The following RNF170 variants were observed in gnomAD, a reference collection of about 807,000 sequenced individuals.
RNF170 encodes ring finger protein 170, also known as E3 ubiquitin-protein ligase RNF170.
RNF170 carries 12 observed loss-of-function variants against 32.7 expected under a neutral mutation model. That is an observed-to-expected ratio of 0.37 (90% CI 0.24 to 0.60). The LOEUF (loss-of-function observed/expected upper bound fraction) is 0.60, where lower values mean the gene tolerates loss of function less well. RNF170 is among the 20% of genes least tolerant of loss of function. RNF170 has a pLI of 0.72. For missense variants in RNF170, 212 were observed against 311.2 expected (o/e 0.68, Z 2.40); for synonymous variants, 91 against 103.6 (o/e 0.88, Z 0.74).
intron 4 of RNF170, 147 bp downstream of exon 4, chr8:42,869,857 G>C: frequency 1.4e-6 from 1 of 698,218 alleles, no homozygotes. Context: ...ATACTTGGTT[G>C]ACAAGTAGAG....
At chr8:42,878,646 G>C (rs925906889) in intron 2 of RNF170, among the ~76,000 whole-genome samples, 1 of 152,262 alleles carries the variant, frequency 6.6e-6, no homozygotes, top group African/African-American at 2.4e-5. Flanking sequence ...GGAATAGCAA[G>C]TGCTGATGGA....
intron 1 of RNF170, among the ~76,000 whole-genome samples, chr8:42,890,018 G>A (rs1459284276): frequency 6.6e-6 from 1 of 152,094 alleles, no homozygotes; most frequent in Non-Finnish European, 1.5e-5. Flanking sequence ...TAAAACAAAT[G>A]AACAGAGGTG....
At chr8:42,863,980 A>AGTGT (rs71231874) in intron 5 of RNF170, among the ~76,000 whole-genome samples, 75,647 of 139,396 alleles carry the variant, frequency 0.54, 21,639 homozygotes, top group Middle Eastern at 0.68. Flanking sequence ...AGAGAGAGAG[A>AGTGT]GTGTGTGTGT....
chr8:42,854,483 T>G lies in RNF170; in HGVS notation c.*1676A>C. The G allele has an allele frequency of 3.9e-6, 5 of 1,286,364 alleles. No individual in the cohort carries two copies. The highest frequency in any genetic ancestry group is 5.1e-6 in the Non-Finnish European group (5 of 987,850). 79.7% of individuals were successfully genotyped at this position (1,286,364 alleles called of 1,614,324 possible). A position where few individuals can be genotyped will look rare whatever the true frequency, so the allele number is the denominator to read the frequency against. On this transcript the variant is annotated 3_prime_UTR_variant, in exon 7 of 7. Coordinates refer to ENST00000527424, the MANE Select transcript of RNF170 (RefSeq NM_030954.4). ...TATCCAAAGGATAAAATGAAAAGTA[T>G]GTGAGAAACCTGCTTTAATTATAAT...
Position 42,887,890 on chromosome 8 carries a change from A to T in RNF170, c.-7-19T>A. ...TCCAGGTCTAAAATAAGAAGAAACA[A>T]GATGAGAGTTACAAATGACACAGTG... On this transcript the variant is annotated intron_variant, in intron 1 of 6. Transcript: ENST00000527424. 6.2e-7 allele frequency: 1 copy of T among 1,608,004 alleles called. No individual in the cohort carries two copies. The highest frequency in any genetic ancestry group is 2.2e-5 in the East Asian group (1 of 44,844).
intron 3 of RNF170, 97 bp downstream of exon 3, chr8:42,873,834 C>T (rs1431065433): frequency 1.3e-6 from 1 of 763,542 alleles, no homozygotes; most frequent in Non-Finnish European, 2.3e-6. Context: ...GGAAAGAAGC[C>T]CATGTTTCCA....
In RNF170 at chr8:42,876,073, A is replaced by C. The variant is rs563378663; in HGVS notation, c.138-2067T>G. Among the ~76,000 whole-genome samples, 19 of 152,174 alleles carry C rather than the reference A, an allele frequency of 1.2e-4. No individual in the cohort carries two copies. The East Asian group carries it at 3.5e-3, about 28-fold the overall frequency. ...CATTTCTCCATTCTTTGAGAGTAGA[A>C]AACCATTCCCTTTTCATTGGAAAAA... On this transcript the variant is annotated intron_variant, in intron 2 of 6. Transcript: ENST00000527424.
chr8:42,861,131 T>C (rs949763163), intron 6 of RNF170, among the ~76,000 whole-genome samples: 5 of 152,218 alleles, frequency 3.3e-5, no homozygotes, highest in Non-Finnish European at 7.3e-5. Flanking sequence ...ACAAATGGTG[T>C]TTTAGTATCA....
In RNF170 at chr8:42,854,008, A is replaced by C. The variant is rs1291964708; in HGVS notation, c.*2151T>G. 7.8e-7 allele frequency: 1 copy of C among 1,287,182 alleles called. No individual in the cohort carries two copies. The highest frequency in any genetic ancestry group is 2.3e-5 in the Admixed American group (1 of 43,556). 79.7% of individuals were successfully genotyped at this position (1,287,182 alleles called of 1,614,324 possible). On this transcript the variant is annotated 3_prime_UTR_variant, in exon 7 of 7. Transcript: ENST00000527424. ...ATGACATCACCATTCCCCCACACCA[A>C]ATGTGTAATTGGTAGGAAATGCATT...
intron 3 of RNF170, 149 bp downstream of exon 3, chr8:42,873,782 C>A: frequency 1.6e-6 from 1 of 623,338 alleles, no homozygotes; most frequent in Admixed American, 2.8e-5. Flanking sequence ...CCCATTCTTG[C>A]AAATATACAA....
rs1803129606 is a variant in RNF170 at position 42,854,910 on chromosome 8, G to A, written c.*1249C>T. 7.8e-7 allele frequency: 1 copy of A among 1,287,210 alleles called. No individual in the cohort carries two copies. The highest frequency in any genetic ancestry group is 1.0e-6 in the Non-Finnish European group (1 of 988,698). 79.7% of individuals were successfully genotyped at this position (1,287,210 alleles called of 1,614,324 possible). The stretch of plus-strand genomic sequence containing the variant: ...AATCTGAGCTGTGTGCTGCCATCCT[G>A]AGACAGTATTATAAAAATTTCTGAC... On this transcript the variant is annotated 3_prime_UTR_variant, in exon 7 of 7. Coordinates refer to ENST00000527424, the MANE Select transcript of RNF170 (RefSeq NM_030954.4).
At chr8:42,891,303 T>C (rs1034668731) in intron 1 of RNF170, among the ~76,000 whole-genome samples, 2 of 152,226 alleles carry the variant, frequency 1.3e-5, no homozygotes, top group Non-Finnish European at 2.9e-5. Context: ...TTCTGTTTCT[T>C]AGATTTTTAG....
intron 2 of RNF170, 108 bp from the exon 3 acceptor site, chr8:42,874,114 G>T: frequency 1.4e-6 from 1 of 719,906 alleles, no homozygotes; most frequent in East Asian, 2.7e-5. Context: ...TAATGTAATT[G>T]ATGGCATACA....
At chr8:42,856,504 A>G in intron 6 of RNF170, 76 bp from the exon 7 acceptor site, 2 of 1,026,734 alleles carry the variant, frequency 1.9e-6, no homozygotes, top group East Asian at 2.5e-5. Flanking sequence ...TTTTCTTACT[A>G]TATGTAAACA....
rs549361550 is a variant in RNF170 at position 42,865,847 on chromosome 8, C to T, written c.323-358G>A. Among the ~76,000 whole-genome samples the T allele has an allele frequency of 2.8e-4, 42 of 152,018 alleles. No homozygotes were observed. In the East Asian group the frequency reaches 6.4e-3, roughly 23 times the overall value. ...AAAAAATACAAAAATTAGCCGGGTG[C>T]GGTGGCACACGCCTGTAATCCCAGC... On this transcript the variant is annotated intron_variant, in intron 4 of 6. Coordinates refer to ENST00000527424, the MANE Select transcript of RNF170 (RefSeq NM_030954.4).
chr8:42,896,769 G>T (rs1423673971), upstream of RNF170: 2 of 146,252 alleles, frequency 1.4e-5, no homozygotes, highest in South Asian at 3.6e-4. Flanking sequence ...CGGCGGCGGC[G>T]GCGGCGGCGC....
chr8:42,862,222 A>C (rs1803715257), intron 5 of RNF170, among the ~76,000 whole-genome samples: 1 of 152,196 alleles, frequency 6.6e-6, no homozygotes, highest in Admixed American at 6.5e-5. Flanking sequence ...AAGACAGAAA[A>C]ATTATGGTTT....
At chr8:42,872,100 A>G (rs776018941) in intron 3 of RNF170, among the ~76,000 whole-genome samples, 129 of 152,318 alleles carry the variant, frequency 8.5e-4, no homozygotes, top group Admixed American at 8.5e-4. Flanking sequence ...TGGACAGCAC[A>G]GAACAGACTA....
At chr8:42,852,418 TA>T (rs1273502279), downstream of RNF170, among the ~76,000 whole-genome samples, 6 of 152,198 alleles carry the variant, frequency 3.9e-5, no homozygotes, top group Non-Finnish European at 8.8e-5. Flanking sequence ...TTTATTCATT[TA>T]TTTTTTTTTA....
Sources: allele counts gnomAD v4.1 joint callset (sites outside exome capture counted in the v4.1 genomes callset), GRCh38; gene constraint gnomAD v4.1.1; transcripts MANE v1.5; gene names NCBI Gene and HGNC (gene_info 2026-07-23, HGNC 2026-07-21).